Variants in MTUS2 observed in about 807,000 individuals in gnomAD.
The protein encoded by MTUS2 is microtubule associated scaffold protein 2, also known as microtubule-associated tumor suppressor candidate 2.
In MTUS2, 40 loss-of-function variants were observed where a neutral mutation model predicts 114.1. That is an observed-to-expected ratio of 0.35 (90% CI 0.27 to 0.46). MTUS2 has a LOEUF of 0.46. MTUS2 is among the 20% of genes least tolerant of loss of function. MTUS2 has a pLI of 1.00. For synonymous variants in MTUS2, 688 were observed against 672.0 expected (o/e 1.02, Z -0.37); for missense variants, 1,679 against 1,705.4 (o/e 0.98, Z 0.27).
intron 8 of MTUS2, among the ~76,000 whole-genome samples, chr13:29,360,688 A>AC (rs57156729): frequency 0.029 from 2,487 of 86,974 alleles, 162 homozygotes; most frequent in Non-Finnish European, 0.041. Flanking sequence ...GTAGCCGAAC[A>AC]CCCCCCCCCC....
rs751020009 is a variant in MTUS2, at chr13:29,071,409, A to ATTTTTTTTTTTTTTTTTTTTTTTTTT, written c.2447-29355_2447-29330dup. On this transcript the variant is annotated intron_variant, in intron 4 of 15. Coordinates refer to ENST00000612955, the MANE Select transcript of MTUS2 (RefSeq NM_001033602.4). ...TTTAAAAGATCTCTATGTTGCTTGA[A>ATTTTTTTTTTTTTTTTTTTTTTTTTT]TTTTTTTTTTTTTTTTTTTTTTTTT... 7.8e-4 allele frequency among the ~76,000 whole-genome samples: 36 copies of ATTTTTTTTTTTTTTTTTTTTTTTTTT among 46,142 alleles called. 7 individuals are homozygous for ATTTTTTTTTTTTTTTTTTTTTTTTTT. Among genetic ancestry groups the ATTTTTTTTTTTTTTTTTTTTTTTTTT allele is most frequent in the Non-Finnish European group, 9.7e-4 (28 of 28,812 alleles). The allele number at this position is 46,142 out of a possible 152,430, so 30.3% of individuals were successfully genotyped here. A position where few individuals can be genotyped will look rare whatever the true frequency, so the allele number is the denominator to read the frequency against.
chr13:29,127,904 A>G (rs949139552), intron 5 of MTUS2, among the ~76,000 whole-genome samples: 9 of 152,222 alleles, frequency 5.9e-5, no homozygotes, highest in African/African-American at 1.9e-4. Flanking sequence ...TTTTGGGGGT[A>G]TGGCACATAC....
rs77388345 is a variant in MTUS2 at position 29,359,059 on chromosome 13, G to A, written c.2906-203G>A. ...TGTCTGTTATCCTTTTTCCAAGCACGAAACCTTGCACTTAACAACCACATT... is the reference window on the plus strand; with the variant it reads ...TGTCTGTTATCCTTTTTCCAAGCACAAAACCTTGCACTTAACAACCACATT... On this transcript the variant is annotated intron_variant, in intron 7 of 15. Coordinates refer to ENST00000612955, the MANE Select transcript of MTUS2 (RefSeq NM_001033602.4). Among the ~76,000 whole-genome samples the A allele has an allele frequency of 3.9e-3, 594 of 151,794 alleles. 8 individuals are homozygous for A. Among genetic ancestry groups the A allele is most frequent in the African/African-American group, 0.014 (559 of 41,402 alleles).
At chr13:29,216,559 A>G (rs1039928293) in intron 5 of MTUS2, among the ~76,000 whole-genome samples, 1 of 152,116 alleles carries the variant, frequency 6.6e-6, no homozygotes, top group Admixed American at 6.5e-5. Flanking sequence ...TGGGAAAAGG[A>G]TAGTATCTGG....
intron 7 of MTUS2, among the ~76,000 whole-genome samples, chr13:29,344,347 T>C (rs1364508588): frequency 1.3e-5 from 2 of 152,168 alleles, no homozygotes; most frequent in African/African-American, 4.8e-5. Flanking sequence ...TAGGTGTATA[T>C]ACATTTAGGG....
intron 7 of MTUS2, among the ~76,000 whole-genome samples, chr13:29,339,224 C>T (rs937911734): frequency 2.6e-5 from 4 of 152,162 alleles, no homozygotes; most frequent in Non-Finnish European, 4.4e-5. Context: ...GTACTTCCTG[C>T]AGTAGGGCAG....
rs376811467 is a variant in MTUS2, at chr13:29,143,009, GA to G, written c.2644+42041del. ...CAAAAACCAGAGAAGATTGGATTGGGAAGGAAGGTGAATGAAGTATCTACCA... is the reference window on the plus strand; with the variant it reads ...CAAAAACCAGAGAAGATTGGATTGGGAGGAAGGTGAATGAAGTATCTACCA... On this transcript the variant is annotated intron_variant, in intron 5 of 15. Coordinates refer to ENST00000612955, the MANE Select transcript of MTUS2 (RefSeq NM_001033602.4). 8.3e-4 allele frequency among the ~76,000 whole-genome samples: 126 copies of G among 152,348 alleles called. 1 individual carries two copies. The highest frequency in any genetic ancestry group is 2.9e-3 in the African/African-American group (121 of 41,580).
intron 2 of MTUS2, among the ~76,000 whole-genome samples, chr13:28,936,715 G>A (rs1881921052): frequency 6.6e-6 from 1 of 152,158 alleles, no homozygotes; most frequent in Non-Finnish European, 1.5e-5. Context: ...GGTGTCCCCT[G>A]AGGCTTTGAA....
chr13:29,340,806 C>T (rs1272889864), intron 7 of MTUS2, among the ~76,000 whole-genome samples: 1 of 152,212 alleles, frequency 6.6e-6, no homozygotes, highest in Non-Finnish European at 1.5e-5. Context: ...TCACTTCCCA[C>T]TCATTCCCCC....
At chr13:28,883,507 A>C (rs1372993653) in intron 2 of MTUS2, among the ~76,000 whole-genome samples, 1 of 152,242 alleles carries the variant, frequency 6.6e-6, no homozygotes, top group Non-Finnish European at 1.5e-5. Flanking sequence ...ACTTGGATGG[A>C]TCTCCAGGGA....
intron 5 of MTUS2, among the ~76,000 whole-genome samples, chr13:29,270,362 G>A (rs1310644110): frequency 3.9e-5 from 6 of 152,104 alleles, no homozygotes; most frequent in Admixed American, 2.0e-4. Context: ...TCTCAGACGC[G>A]GTGGACAGCA....
chr13:29,341,877 A>G (rs1901418541), intron 7 of MTUS2, among the ~76,000 whole-genome samples: 1 of 152,014 alleles, frequency 6.6e-6, no homozygotes, highest in Non-Finnish European at 1.5e-5. Context: ...CAGCTTGCCA[A>G]TTATCTCAGC....
chr13:29,416,698 T>C (rs1256276354), intron 8 of MTUS2, among the ~76,000 whole-genome samples: 1 of 152,180 alleles, frequency 6.6e-6, no homozygotes, highest in African/African-American at 2.4e-5. Context: ...TTATATAAAA[T>C]GAAGATCTAT....
chr13:29,492,031 T>TGTGG (rs199870270), intron 11 of MTUS2, among the ~76,000 whole-genome samples: 8 of 129,058 alleles, frequency 6.2e-5, no homozygotes, highest in African/African-American at 2.3e-4. Context: ...GGTGTGTGTG[T>TGTGG]AGTGTGTGTG....
At chr13:29,412,031 G>C (rs1397080347) in intron 8 of MTUS2, among the ~76,000 whole-genome samples, 1 of 152,116 alleles carries the variant, frequency 6.6e-6, no homozygotes, top group Non-Finnish European at 1.5e-5. Context: ...TAAAAATAGA[G>C]ACTGTTTTAC....
intron 6 of MTUS2, among the ~76,000 whole-genome samples, chr13:29,316,060 G>T (rs1899974954): frequency 6.6e-6 from 1 of 152,172 alleles, no homozygotes. Flanking sequence ...AGGACCTGAG[G>T]GTAAAGGGGA....
intron 2 of MTUS2, among the ~76,000 whole-genome samples, chr13:28,923,716 A>AG (rs1566226715): frequency 6.6e-6 from 1 of 151,938 alleles, no homozygotes; most frequent in Non-Finnish European, 1.5e-5. Context: ...GGGATAGGGG[A>AG]GTCTTTGGCA....
At chr13:29,023,142 A>C (rs1593391354) in intron 2 of MTUS2, among the ~76,000 whole-genome samples, 1 of 152,280 alleles carries the variant, frequency 6.6e-6, no homozygotes, top group Non-Finnish European at 1.5e-5. Context: ...AGGTTGGGGG[A>C]GGATTCCACA....
chr13:28,930,976 C>T (rs2138088856), intron 2 of MTUS2, among the ~76,000 whole-genome samples: 1 of 152,330 alleles, frequency 6.6e-6, no homozygotes, highest in South Asian at 2.1e-4. Context: ...GTGGAGTGGG[C>T]AGACCTGGAG....
Sources: gnomAD v4.1 joint callset for allele counts (sites outside exome capture counted in the v4.1 genomes callset) on GRCh38, gnomAD v4.1.1 for gene constraint, MANE v1.5 for transcripts, NCBI Gene and HGNC (gene_info 2026-07-23, HGNC 2026-07-21) for gene names.